The following NSG2 variants were observed in gnomAD, a reference collection of about 807,000 sequenced individuals.
NSG2 encodes neuronal vesicle trafficking associated 2.
In NSG2, 4 loss-of-function variants were observed where a neutral mutation model predicts 16.9. The observed-to-expected ratio is 0.24, with a 90% CI of 0.12 to 0.54. The LOEUF (loss-of-function observed/expected upper bound fraction) is 0.54, where lower values mean the gene tolerates loss of function less well. Ranked by LOEUF, NSG2 falls within the 20% of genes least tolerant of loss-of-function variation. The pLI is 0.95. For missense variants in NSG2, 179 were observed against 221.1 expected (o/e 0.81, Z 1.21); for synonymous variants, 98 against 88.7 (o/e 1.11, Z -0.59).
chr5:174,061,244 G>C (rs78661746), intron 2 of NSG2, among the ~76,000 whole-genome samples: 2,069 of 152,208 alleles, frequency 0.014, 16 homozygotes, highest in Middle Eastern at 0.048. Flanking sequence ...GAAATAATCA[G>C]ACATCTAAAT....
At chr5:174,069,956 C>A (rs1324779889) in intron 3 of NSG2, among the ~76,000 whole-genome samples, 1 of 150,642 alleles carries the variant, frequency 6.6e-6, no homozygotes, top group African/African-American at 2.5e-5. Context: ...TGGCTCACTG[C>A]AGCCTTGACC....
chr5:174,079,684 T>C (rs1388209811), intron 3 of NSG2, among the ~76,000 whole-genome samples: 1 of 152,228 alleles, frequency 6.6e-6, no homozygotes, highest in East Asian at 1.9e-4. Context: ...TGATTTGTGT[T>C]GCTACCTCCC....
chr5:174,092,386 C>T lies in NSG2; in HGVS notation c.214-11842C>T, dbSNP rs80108242. On this transcript the variant is annotated intron_variant, in intron 3 of 4. Transcript: ENST00000303177. Reference sequence around the variant, plus strand: ...TCCCTGTCAAAGGTGCTTTTCTGCCCCATTAATATGAATCATCAGCAAAAC... The same window carrying T: ...TCCCTGTCAAAGGTGCTTTTCTGCCTCATTAATATGAATCATCAGCAAAAC... Among the ~76,000 whole-genome samples the T allele has an allele frequency of 1.9e-3, 295 of 152,310 alleles. 7 individuals are homozygous for T. The East Asian group carries it at 0.048, about 25-fold the overall frequency.
At chr5:174,054,653 A>G (rs964123349) in intron 2 of NSG2, among the ~76,000 whole-genome samples, 1 of 152,172 alleles carries the variant, frequency 6.6e-6, no homozygotes, top group Non-Finnish European at 1.5e-5. Context: ...TGCTGGGATT[A>G]CAGATGTAAG....
intron 3 of NSG2, among the ~76,000 whole-genome samples, chr5:174,077,778 T>A (rs1297535465): frequency 2.0e-5 from 3 of 152,200 alleles, no homozygotes; most frequent in African/African-American, 4.8e-5. Flanking sequence ...CCTGGGCTCT[T>A]GCGGACAGAA....
intron 2 of NSG2, among the ~76,000 whole-genome samples, chr5:174,049,990 C>T (rs759023907): frequency 1.3e-5 from 2 of 152,178 alleles, no homozygotes; most frequent in Non-Finnish European, 2.9e-5. Flanking sequence ...CCAACTCTTA[C>T]CAGCCTGCTT....
At chr5:174,084,808 G>C (rs1211229235) in intron 3 of NSG2, among the ~76,000 whole-genome samples, 1 of 152,214 alleles carries the variant, frequency 6.6e-6, no homozygotes, top group Non-Finnish European at 1.5e-5. Flanking sequence ...CAGATCGGCT[G>C]AGGGAAGATA....
At chr5:174,058,413 A>T (rs1759997899) in intron 2 of NSG2, among the ~76,000 whole-genome samples, 1 of 152,210 alleles carries the variant, frequency 6.6e-6, no homozygotes, top group Non-Finnish European at 1.5e-5. Flanking sequence ...CCTGGGCAAA[A>T]GAGCGAGACT....
chr5:174,077,240 A>G (rs1254004381), intron 3 of NSG2, among the ~76,000 whole-genome samples: 1 of 152,214 alleles, frequency 6.6e-6, no homozygotes. Context: ...TAAATCTTGC[A>G]GATATTTCAA....
intron 3 of NSG2, among the ~76,000 whole-genome samples, chr5:174,080,805 C>T (rs150203448): frequency 0.019 from 2,960 of 152,106 alleles, 93 homozygotes; most frequent in African/African-American, 0.066. Flanking sequence ...TCAGGTGATC[C>T]GCCCGCCTTG....
At chr5:174,091,644 G>GGTGTGTGTGTGT (rs35746227) in intron 3 of NSG2, among the ~76,000 whole-genome samples, 7 of 139,606 alleles carry the variant, frequency 5.0e-5, no homozygotes, top group East Asian at 2.1e-4. Context: ...AACTAGGACT[G>GGTGTGTGTGTGT]GTGTGTGTGT....
At chr5:174,093,615 T>C (rs1760752317) in intron 3 of NSG2, among the ~76,000 whole-genome samples, 1 of 152,196 alleles carries the variant, frequency 6.6e-6, no homozygotes, top group Non-Finnish European at 1.5e-5. Flanking sequence ...AGCCCTATTG[T>C]CAGGATCTTT....
chr5:174,088,398 T>C (rs1760667675), intron 3 of NSG2, among the ~76,000 whole-genome samples: 1 of 152,168 alleles, frequency 6.6e-6, no homozygotes, highest in African/African-American at 2.4e-5. Flanking sequence ...TTCCAGTATT[T>C]CACAACACCC....
At chr5:174,100,473 T>C (rs1032445688) in intron 3 of NSG2, among the ~76,000 whole-genome samples, 1 of 152,248 alleles carries the variant, frequency 6.6e-6, no homozygotes, top group African/African-American at 2.4e-5. Flanking sequence ...TTACACACGG[T>C]AATTACCTGG....
chr5:174,079,264 T>TCTC (rs1554101421), intron 3 of NSG2, among the ~76,000 whole-genome samples: 2 of 122,968 alleles, frequency 1.6e-5, no homozygotes, highest in African/African-American at 7.8e-5. Flanking sequence ...TCTCTCTCTC[T>TCTC]TTTTTTTTTT....
chr5:174,099,684 G>C (rs945624391), intron 3 of NSG2, among the ~76,000 whole-genome samples: 12 of 152,142 alleles, frequency 7.9e-5, no homozygotes, highest in African/African-American at 2.9e-4. Context: ...GATGCCTCTA[G>C]AACAGCCTGT....
At chr5:174,103,164 G>A (rs571300856) in intron 3 of NSG2, among the ~76,000 whole-genome samples, 2 of 151,956 alleles carry the variant, frequency 1.3e-5, no homozygotes, top group African/African-American at 4.8e-5. Flanking sequence ...CAAGGAAGTC[G>A]TCACTAGTTA....
At chr5:174,049,390 C>T (rs749381829) in intron 2 of NSG2, among the ~76,000 whole-genome samples, 1 of 152,066 alleles carries the variant, frequency 6.6e-6, no homozygotes, top group Non-Finnish European at 1.5e-5. Context: ...AAGAGAATAG[C>T]GTCACCATTT....
At chr5:174,102,475 C>A (rs1368621625) in intron 3 of NSG2, among the ~76,000 whole-genome samples, 1 of 152,132 alleles carries the variant, frequency 6.6e-6, no homozygotes, top group Non-Finnish European at 1.5e-5. Flanking sequence ...AAAAATAACA[C>A]ACACACAAAT....
Sources: allele counts gnomAD v4.1 joint callset (sites outside exome capture counted in the v4.1 genomes callset), GRCh38; gene constraint gnomAD v4.1.1; transcripts MANE v1.5; gene names NCBI Gene and HGNC (gene_info 2026-07-23, HGNC 2026-07-21).